The following FYB2 variants were observed in gnomAD, a reference collection of about 807,000 sequenced individuals.
FYB2 encodes the protein FYN binding protein 2.
In FYB2, 103 loss-of-function variants were observed where a neutral mutation model predicts 94.1. The ratio of observed to expected loss-of-function variants is 1.09; its 90% CI spans 0.93 to 1.29. FYB2 has a LOEUF of 1.29. Among genes scored for constraint, FYB2 ranks in the 50% most tolerant of loss-of-function variants. FYB2 has a pLI of 0.00. For missense variants in FYB2, 896 were observed against 841.5 expected (o/e 1.06, Z -0.80); for synonymous variants, 293 against 287.9 (o/e 1.02, Z -0.18).
chr1:56,772,962 C>T (rs769480761), intron 4 of FYB2, among the ~76,000 whole-genome samples: 104 of 152,042 alleles, frequency 6.8e-4, no homozygotes, highest in Non-Finnish European at 1.4e-3. Context: ...TTCTTACTTC[C>T]TTACAGAAAA....
chr1:56,722,550 A>G (rs1402165119), intron 17 of FYB2, among the ~76,000 whole-genome samples: 1 of 152,088 alleles, frequency 6.6e-6, no homozygotes, highest in East Asian at 1.9e-4. Flanking sequence ...TTGATAAATG[A>G]ACGAGCTAGT....
chr1:56,821,178 T>C (rs1430917891), upstream of FYB2, among the ~76,000 whole-genome samples: 1 of 152,200 alleles, frequency 6.6e-6, no homozygotes, highest in African/African-American at 2.4e-5. Flanking sequence ...CAACTGATAA[T>C]TGGGCTGTCA....
At chr1:56,779,898 A>G (rs1557641298) in intron 4 of FYB2, among the ~76,000 whole-genome samples, 1 of 152,182 alleles carries the variant, frequency 6.6e-6, no homozygotes, top group Non-Finnish European at 1.5e-5. Flanking sequence ...TCATATCCCA[A>G]ATAAACTCTG....
Position 56,742,532 on chromosome 1 carries a change from A to ACCTG in FYB2, c.1544-312_1544-311insCAGG. Among the ~76,000 whole-genome samples, 2 of 152,180 alleles carry ACCTG rather than the reference A, an allele frequency of 1.3e-5. 1 individual carries two copies. Among genetic ancestry groups the ACCTG allele is most frequent in the Middle Eastern group, 6.8e-3 (2 of 294 alleles). On this transcript the variant is annotated intron_variant, in intron 11 of 19. Coordinates refer to ENST00000343433, the MANE Select transcript of FYB2 (RefSeq NM_001004303.5). ...CCACCCTCCCTCCTTCCTGTATTTA[A>ACCTG]TACATAACAATCAGAATTTACTAAG...
intron 8 of FYB2, among the ~76,000 whole-genome samples, chr1:56,751,552 T>C (rs888752930): frequency 6.6e-6 from 1 of 151,936 alleles, no homozygotes; most frequent in Admixed American, 6.6e-5. Context: ...TTTAGAGAGG[T>C]TGAGTAACTG....
chr1:56,748,803 T>G (rs1383377518), intron 9 of FYB2, among the ~76,000 whole-genome samples: 4 of 152,014 alleles, frequency 2.6e-5, no homozygotes. Context: ...TTAACTTTTT[T>G]TCTTGCATCC....
At chr1:56,758,348 A>G (rs974583730) in intron 6 of FYB2, among the ~76,000 whole-genome samples, 2 of 149,334 alleles carry the variant, frequency 1.3e-5, no homozygotes, top group Admixed American at 1.3e-4. Context: ...ACCTGACACC[A>G]TGTCTAGCAG....
intron 4 of FYB2, among the ~76,000 whole-genome samples, chr1:56,772,679 TC>T (rs1488250348): frequency 6.6e-6 from 1 of 152,186 alleles, no homozygotes; most frequent in Non-Finnish European, 1.5e-5. Context: ...TGAATTTGAA[TC>T]CTAGCTCTCT....
intron 11 of FYB2, among the ~76,000 whole-genome samples, chr1:56,742,830 G>T (rs1409928213): frequency 6.6e-6 from 1 of 151,818 alleles, no homozygotes; most frequent in Non-Finnish European, 1.5e-5. Context: ...GAGTGTACTG[G>T]GTTTAATGAT....
intron 4 of FYB2, among the ~76,000 whole-genome samples, chr1:56,780,740 T>G (rs1340035316): frequency 6.6e-6 from 1 of 152,100 alleles, no homozygotes; most frequent in Non-Finnish European, 1.5e-5. Flanking sequence ...AGGAGGAATA[T>G]TTGAAAACAA....
chr1:56,822,719 C>A (rs1352236083), upstream of FYB2, among the ~76,000 whole-genome samples: 1 of 139,904 alleles, frequency 7.1e-6, no homozygotes, highest in African/African-American at 2.7e-5. Flanking sequence ...GTATCATAAG[C>A]AATGGTGTGA....
At chr1:56,751,301 C>A (rs1645192974) in intron 8 of FYB2, 98 bp from the exon 9 acceptor site, 1 of 1,210,322 alleles carries the variant, frequency 8.3e-7, no homozygotes, top group Non-Finnish European at 1.1e-6. Context: ...TCATGGATAA[C>A]AATTATTTAT....
chr1:56,798,825 G>A (rs1425368936), intron 1 of FYB2, among the ~76,000 whole-genome samples: 1 of 152,078 alleles, frequency 6.6e-6, no homozygotes, highest in Non-Finnish European at 1.5e-5. Flanking sequence ...AGCAAGGAAG[G>A]GTCAAAGCTA....
chr1:56,743,831 T>C (rs1645010510), intron 11 of FYB2, among the ~76,000 whole-genome samples, 195 bp downstream of exon 11: 1 of 152,096 alleles, frequency 6.6e-6, no homozygotes, highest in Non-Finnish European at 1.5e-5. Context: ...ATCTTCATGT[T>C]CCTGATTCTA....
At chr1:56,787,649 A>C (rs1439613702) in intron 3 of FYB2, among the ~76,000 whole-genome samples, 1 of 152,182 alleles carries the variant, frequency 6.6e-6, no homozygotes, top group African/African-American at 2.4e-5. Flanking sequence ...TAATCCTAAG[A>C]GATCAGTGGT....
At chr1:56,789,895 G>T (rs1646221978) in intron 2 of FYB2, among the ~76,000 whole-genome samples, 1 of 152,136 alleles carries the variant, frequency 6.6e-6, no homozygotes. Flanking sequence ...AAAGGAATAA[G>T]AATTGATCTG....
chr1:56,779,256 G>GA (rs1645953547), intron 4 of FYB2, among the ~76,000 whole-genome samples: 1 of 152,122 alleles, frequency 6.6e-6, no homozygotes, highest in South Asian at 2.1e-4. Flanking sequence ...ATATAAAATG[G>GA]ATGCTAAGAG....
intron 5 of FYB2, among the ~76,000 whole-genome samples, chr1:56,765,066 C>T (rs1377719849): frequency 1.3e-5 from 2 of 152,178 alleles, no homozygotes; most frequent in Non-Finnish European, 2.9e-5. Flanking sequence ...GCAATCAGTT[C>T]ATAACAATAC....
chr1:56,794,336 T>C (rs1222874238), intron 1 of FYB2, among the ~76,000 whole-genome samples: 1 of 152,226 alleles, frequency 6.6e-6, no homozygotes, highest in Non-Finnish European at 1.5e-5. Flanking sequence ...TTAGATTTTG[T>C]AAATGTGTTC....
Sources: gnomAD v4.1 joint callset for allele counts (sites outside exome capture counted in the v4.1 genomes callset) on GRCh38, gnomAD v4.1.1 for gene constraint, MANE v1.5 for transcripts, NCBI Gene and HGNC (gene_info 2026-07-23, HGNC 2026-07-21) for gene names.